RSRC1: variants seen among roughly 807,000 people sequenced by gnomAD.
RSRC1 encodes arginine and serine rich coiled-coil 1, also known as serine/Arginine-related protein 53.
In RSRC1, 39 loss-of-function variants were observed where a neutral mutation model predicts 49.1. The ratio of observed to expected loss-of-function variants is 0.79; its 90% confidence interval spans 0.61 to 1.04. RSRC1 has a LOEUF of 1.04. RSRC1 is among the 50% of genes least tolerant of loss of function. The pLI is 0.00. For missense variants in RSRC1, 388 were observed against 402.4 expected, an observed-to-expected ratio of 0.96 and a Z score of 0.31; for synonymous variants, 143 against 130.8, an observed-to-expected ratio of 1.09 and a Z score of -0.63.
chr3:158,231,187 A>C (rs1461094309), intron 4 of RSRC1, among the ~76,000 whole-genome samples: 1 of 116,606 alleles, frequency 8.6e-6, no homozygotes, highest in Non-Finnish European at 1.6e-5. Context: ...TCTGTCACCC[A>C]GTCTGGAATG....
At chr3:158,277,406 G>C (rs1016993295) in intron 4 of RSRC1, among the ~76,000 whole-genome samples, 3 of 152,100 alleles carry the variant, frequency 2.0e-5, no homozygotes, top group Non-Finnish European at 4.4e-5. Context: ...ATAAAATTCT[G>C]TTAGATTCTT....
At chr3:158,157,425 T>A (rs1353010482) in intron 3 of RSRC1, among the ~76,000 whole-genome samples, 1 of 152,140 alleles carries the variant, frequency 6.6e-6, no homozygotes, top group Non-Finnish European at 1.5e-5. Context: ...CGTAGGAATA[T>A]CTGGCTCGAG....
intron 5 of RSRC1, among the ~76,000 whole-genome samples, chr3:158,347,871 T>C (rs1387561033): frequency 6.6e-6 from 1 of 152,162 alleles, no homozygotes; most frequent in African/African-American, 2.4e-5. Flanking sequence ...TGTTTCTCTT[T>C]TTATTTTTTT....
chr3:158,473,674 G>A (rs1332978357), intron 7 of RSRC1, among the ~76,000 whole-genome samples: 2 of 151,654 alleles, frequency 1.3e-5, no homozygotes, highest in African/African-American at 4.8e-5. Flanking sequence ...TAAAAAAAAA[G>A]GATGAGAAAT....
At chr3:158,451,131 C>G (rs1737002381) in intron 6 of RSRC1, among the ~76,000 whole-genome samples, 1 of 151,850 alleles carries the variant, frequency 6.6e-6, no homozygotes, top group Non-Finnish European at 1.5e-5. Flanking sequence ...TTATTTGTCA[C>G]ATGTTTCTAT....
intron 3 of RSRC1, among the ~76,000 whole-genome samples, chr3:158,199,562 C>T (rs12495621): frequency 0.12 from 18,345 of 151,984 alleles, 1,373 homozygotes; most frequent in Middle Eastern, 0.19. Flanking sequence ...ATTTATAGTG[C>T]TTTGCTCTTC....
At chr3:158,216,101 G>A (rs1431787174) in intron 4 of RSRC1, among the ~76,000 whole-genome samples, 3 of 151,460 alleles carry the variant, frequency 2.0e-5, no homozygotes. Context: ...TGAATTATAA[G>A]TAGACATATA....
In RSRC1 at chr3:158,413,470, A is replaced by G. The variant is rs75492848; in HGVS notation, c.584-47465A>G. On this transcript the variant is annotated intron_variant, in intron 6 of 9. Transcript: ENST00000611884. Reference sequence around the variant, plus strand: ...AAAAATGTCAAAAGCAATTGCAACAAAAGCAAAAATTGACAAATGGGATCT... The same window carrying G: ...AAAAATGTCAAAAGCAATTGCAACAGAAGCAAAAATTGACAAATGGGATCT... Among the ~76,000 whole-genome samples the G allele has an allele frequency of 8.5e-5, 13 of 152,314 alleles. No homozygotes were observed. The East Asian group carries it at 2.3e-3, about 27-fold the overall frequency.
At chr3:158,201,387 T>G (rs574578618) in intron 3 of RSRC1, among the ~76,000 whole-genome samples, 3 of 152,280 alleles carry the variant, frequency 2.0e-5, no homozygotes, top group Admixed American at 6.5e-5. Context: ...ATATAGAATC[T>G]GTAAATTTGT....
intron 5 of RSRC1, chr3:158,303,123 A>G (rs1049527243): frequency 2.6e-5 from 4 of 152,252 alleles, no homozygotes; most frequent in African/African-American, 7.2e-5. Flanking sequence ...GAAAAAATAC[A>G]GGAGATAGAA....
At chr3:158,388,654 A>AGGCTGAACGCAGT (rs1733096492) in intron 6 of RSRC1, among the ~76,000 whole-genome samples, 1 of 147,118 alleles carries the variant, frequency 6.8e-6, no homozygotes, top group South Asian at 2.1e-4. Flanking sequence ...TCTGTAGCTC[A>AGGCTGAACGCAGT]GGCTGAACGC....
intron 4 of RSRC1, among the ~76,000 whole-genome samples, chr3:158,239,365 T>C (rs1480025161): frequency 1.3e-5 from 2 of 152,194 alleles, no homozygotes; most frequent in Non-Finnish European, 2.9e-5. Flanking sequence ...ACTGGGTGTA[T>C]ACCCAAAGGA....
intron 7 of RSRC1, among the ~76,000 whole-genome samples, chr3:158,527,820 A>C (rs763489145): frequency 6.6e-6 from 1 of 151,996 alleles, no homozygotes; most frequent in Non-Finnish European, 1.5e-5. Flanking sequence ...GCCACAATTA[A>C]TATTCCTCTT....
chr3:158,228,990 A>ACG lies in RSRC1; in HGVS notation c.494+25745_494+25746insCG, dbSNP rs1491142875. Among the ~76,000 whole-genome samples the ACG allele has an allele frequency of 1.3e-4, 9 of 69,560 alleles. 2 individuals are homozygous for ACG. Among genetic ancestry groups the ACG allele is most frequent in the South Asian group, 1.1e-3 (2 of 1,842 alleles). 45.6% of individuals were successfully genotyped at this position (69,560 alleles called of 152,430 possible). A position where few individuals can be genotyped will look rare whatever the true frequency, so the allele number is the denominator to read the frequency against. On this transcript the variant is annotated intron_variant, in intron 4 of 9. Transcript: ENST00000611884. ...CGTGTATATGTGTGTATAAACACAC[A>ACG]TACGTGTATATGTGTGTATAAACAC... is the stretch of plus-strand genomic sequence containing the variant.
At chr3:158,296,462 C>T (rs1157626147) in intron 4 of RSRC1, among the ~76,000 whole-genome samples, 1 of 151,808 alleles carries the variant, frequency 6.6e-6, no homozygotes, top group Non-Finnish European at 1.5e-5. Flanking sequence ...TGCATGTGCA[C>T]ACATACATAT....
intron 6 of RSRC1, among the ~76,000 whole-genome samples, chr3:158,424,332 A>G (rs1735273848): frequency 6.6e-6 from 1 of 151,990 alleles, no homozygotes; most frequent in African/African-American, 2.4e-5. Flanking sequence ...ATCTATTGAG[A>G]TAAACATGTG....
chr3:158,511,356 G>A (rs566751167), intron 7 of RSRC1, among the ~76,000 whole-genome samples: 22 of 151,992 alleles, frequency 1.4e-4, no homozygotes, highest in African/African-American at 5.1e-4. Context: ...TCCCACCTAC[G>A]AGTGAGAATA....
At chr3:158,114,096 C>G (rs1034179457) in intron 1 of RSRC1, among the ~76,000 whole-genome samples, 2 of 152,142 alleles carry the variant, frequency 1.3e-5, no homozygotes, top group Admixed American at 1.3e-4. Context: ...ATGGTATTGC[C>G]TAGATTTTCT....
At chr3:158,145,879 A>T (rs151021870) in intron 3 of RSRC1, among the ~76,000 whole-genome samples, 12,424 of 152,078 alleles carry the variant, frequency 0.082, 606 homozygotes, top group South Asian at 0.13. Flanking sequence ...TAGGTATTTT[A>T]TTCTCTTTGA....
Sources: allele counts gnomAD v4.1 joint callset (sites outside exome capture counted in the v4.1 genomes callset), GRCh38; gene constraint gnomAD v4.1.1; transcripts MANE v1.5; gene names NCBI Gene and HGNC (gene_info 2026-07-23, HGNC 2026-07-21).